The following GRID2 variants were observed in gnomAD, a reference collection of about 807,000 sequenced individuals.
GRID2 encodes the protein glutamate receptor ionotropic, delta-2.
A neutral mutation model predicts 114.8 loss-of-function variants in GRID2; 33 were observed. The ratio of observed to expected loss-of-function variants is 0.29; its 90% CI spans 0.22 to 0.38. The LOEUF (loss-of-function observed/expected upper bound fraction) is 0.38. GRID2 is among the 10% of genes least tolerant of loss of function. GRID2 has a pLI of 1.00. For synonymous variants in GRID2, 505 were observed against 449.9 expected, an observed-to-expected ratio of 1.12 and a Z score of -1.55; for missense variants, 1,184 against 1,257.7, an observed-to-expected ratio of 0.94 and a Z score of 0.89.
At chr4:93,457,282 A>C (rs771614316) in intron 11 of GRID2, among the ~76,000 whole-genome samples, 14 of 152,138 alleles carry the variant, frequency 9.2e-5, no homozygotes, top group Non-Finnish European at 2.1e-4. Context: ...AGAGAGACAG[A>C]GTTAACTATG....
At chr4:93,020,092 T>C (rs999846724) in intron 2 of GRID2, among the ~76,000 whole-genome samples, 2 of 152,194 alleles carry the variant, frequency 1.3e-5, no homozygotes, top group African/African-American at 4.8e-5. Flanking sequence ...GCACTTACTT[T>C]GTGTGTATTG....
At chr4:92,739,124 G>A (rs72883944) in intron 2 of GRID2, among the ~76,000 whole-genome samples, 156 of 152,226 alleles carry the variant, frequency 1.0e-3, no homozygotes, top group African/African-American at 3.6e-3. Context: ...GTATCATTTT[G>A]TTATCTCTGT....
intron 2 of GRID2, among the ~76,000 whole-genome samples, chr4:92,625,231 A>G (rs1236089975): frequency 6.6e-6 from 1 of 151,738 alleles, no homozygotes; most frequent in African/African-American, 2.4e-5. Flanking sequence ...TTTCACATTA[A>G]TTTTTCAATT....
intron 1 of GRID2, among the ~76,000 whole-genome samples, chr4:92,443,363 T>G (rs868163096): frequency 3.2e-4 from 49 of 151,880 alleles, no homozygotes; most frequent in Admixed American, 4.6e-4. Context: ...AGGTCAGGTG[T>G]GAGTTGAATT....
At chr4:93,490,554 T>C (rs878896159) in intron 11 of GRID2, 85 bp from the exon 12 acceptor site, 1 of 972,868 alleles carries the variant, frequency 1.0e-6, no homozygotes. Context: ...TACTTGCAAG[T>C]TAATTTGGTG....
chr4:93,393,663 A>C (rs1368291558), intron 8 of GRID2, among the ~76,000 whole-genome samples: 2 of 151,998 alleles, frequency 1.3e-5, no homozygotes, highest in Admixed American at 6.6e-5. Context: ...ATTCTGAGGA[A>C]ACTGGAAATT....
chr4:93,238,617 T>TG, intron 8 of GRID2, 127 bp downstream of exon 8: 1 of 560,912 alleles, frequency 1.8e-6, no homozygotes, highest in Non-Finnish European at 3.0e-6. Flanking sequence ...AAGCAGGGGG[T>TG]GAGGGGAAAT....
intron 9 of GRID2, among the ~76,000 whole-genome samples, chr4:93,399,588 A>G (rs1302477624): frequency 6.6e-6 from 1 of 152,142 alleles, no homozygotes; most frequent in African/African-American, 2.4e-5. Context: ...CTGATAAGGC[A>G]TGGGAGGAAG....
intron 2 of GRID2, among the ~76,000 whole-genome samples, chr4:93,061,034 C>T (rs960603392): frequency 2.6e-5 from 4 of 151,794 alleles, no homozygotes; most frequent in African/African-American, 7.3e-5. Flanking sequence ...CCCTGAGAGG[C>T]GGACGTTGCA....
intron 14 of GRID2, among the ~76,000 whole-genome samples, chr4:93,654,501 C>T (rs1227289263): frequency 6.6e-6 from 1 of 152,098 alleles, no homozygotes; most frequent in Non-Finnish European, 1.5e-5. Context: ...CAGGCTTTTT[C>T]TGACACATAT....
At chr4:92,925,620 C>T (rs1489544911) in intron 2 of GRID2, among the ~76,000 whole-genome samples, 1 of 152,056 alleles carries the variant, frequency 6.6e-6, no homozygotes, top group East Asian at 1.9e-4. Context: ...TATTGGTAAA[C>T]TCTTTCAAAA....
intron 1 of GRID2, among the ~76,000 whole-genome samples, chr4:92,400,733 G>GAAA (rs1000370305): frequency 6.6e-6 from 1 of 151,978 alleles, no homozygotes; most frequent in Non-Finnish European, 1.5e-5. Flanking sequence ...ATTAACGCAT[G>GAAA]AAGGTTCTTA....
At chr4:92,354,452 T>C (rs1207386743) in intron 1 of GRID2, among the ~76,000 whole-genome samples, 1 of 151,984 alleles carries the variant, frequency 6.6e-6, no homozygotes, top group East Asian at 1.9e-4. Flanking sequence ...TGGTATCTTA[T>C]TTTTTTCCTG....
chr4:92,731,727 A>G (rs1329266223), intron 2 of GRID2, among the ~76,000 whole-genome samples: 1 of 151,958 alleles, frequency 6.6e-6, no homozygotes, highest in Non-Finnish European at 1.5e-5. Flanking sequence ...ACATTTTCTT[A>G]TCACATTTGT....
rs907041567 is a variant in GRID2 at position 93,519,558 on chromosome 4, C to A, written c.2193+4147C>A. On this transcript the variant is annotated intron_variant, in intron 13 of 15. Transcript: ENST00000282020. ...CAGAAATCAAGGATCATGTGCAGCA[C>A]TAAAATAGGGAAGTCCCTGATTATT... Among the ~76,000 whole-genome samples, 3 of 152,040 alleles carry A rather than the reference C, an allele frequency of 2.0e-5. No individual in the cohort carries two copies. The South Asian group carries it at 6.2e-4, about 31-fold the overall frequency.
At chr4:93,245,327 A>T (rs80042309) in intron 8 of GRID2, among the ~76,000 whole-genome samples, 16,700 of 152,174 alleles carry the variant, frequency 0.11, 1,771 homozygotes, top group East Asian at 0.28. Flanking sequence ...TATTTACATG[A>T]AACATAATTA....
At chr4:92,582,203 C>T (rs6856270) in intron 1 of GRID2, among the ~76,000 whole-genome samples, 56,868 of 151,188 alleles carry the variant, frequency 0.38, 10,695 homozygotes, top group Middle Eastern at 0.46. Context: ...ATATTTTATA[C>T]AATTTTTATT....
rs764508035 is a variant in GRID2, at chr4:92,304,680, G to C, written c.24G>C (p.Leu8Phe). ...AGATGGAAGTTTTCCCCTTTCTCTT[G>C]GTTTTGTCCGTCTGGTGGTCTCGAA... MEVFPFL[L>F]VLSVWWSRTW... Residue 8 changes from leucine (L) to phenylalanine (F), a missense_variant, in exon 1 of 16, where the codon TTG becomes TTC. Transcript: ENST00000282020. 6 of 1,613,090 alleles carry C rather than the reference G, an allele frequency of 3.7e-6. No individual in the cohort carries two copies. The highest frequency in any genetic ancestry group is 1.1e-5 in the South Asian group (1 of 91,054).
intron 2 of GRID2, among the ~76,000 whole-genome samples, chr4:92,676,713 A>G (rs1733392962): frequency 6.6e-6 from 1 of 152,048 alleles, no homozygotes; most frequent in African/African-American, 2.4e-5. Context: ...CATTTTCTTA[A>G]TAGTAAAGCA....
Sources: allele counts gnomAD v4.1 joint callset (sites outside exome capture counted in the v4.1 genomes callset), GRCh38; gene constraint gnomAD v4.1.1; transcripts MANE v1.5; gene names NCBI Gene and HGNC (gene_info 2026-07-23, HGNC 2026-07-21).